The following GRM4 variants were observed in gnomAD, a reference collection of about 807,000 sequenced individuals.
GRM4 encodes the protein glutamate metabotropic receptor 4, also known as metabotropic glutamate receptor 4.
A neutral mutation model predicts 81.7 loss-of-function variants in GRM4; 28 were observed. That is an observed-to-expected ratio of 0.34 (90% CI 0.25 to 0.47). The LOEUF (loss-of-function observed/expected upper bound fraction) is 0.47. Ranked by LOEUF, GRM4 falls within the 20% of genes least tolerant of loss-of-function variation. The pLI, the probability that GRM4 is intolerant of heterozygous loss-of-function variation, is 1.00. For synonymous variants in GRM4, 488 were observed against 528.8 expected (o/e 0.92, Z 1.06); for missense variants, 948 against 1,290.0 (o/e 0.73, Z 4.06).
chr6:34,041,522 G>A (rs1372919028), intron 6 of GRM4, among the ~76,000 whole-genome samples: 2 of 152,102 alleles, frequency 1.3e-5, no homozygotes, highest in African/African-American at 2.4e-5. Flanking sequence ...CCTCCCCTCC[G>A]TGTCCACTGA....
intron 3 of GRM4, among the ~76,000 whole-genome samples, chr6:34,076,886 G>C (rs754474151): frequency 2.0e-5 from 3 of 152,118 alleles, no homozygotes; most frequent in African/African-American, 4.8e-5. Flanking sequence ...GGGGACATGG[G>C]GGGTGGAAGA....
intron 1 of GRM4, among the ~76,000 whole-genome samples, chr6:34,154,619 ACACACACACT>A (rs1156997738): frequency 5.0e-5 from 6 of 119,572 alleles, no homozygotes; most frequent in Non-Finnish European, 1.2e-4. Context: ...ACACACACAC[ACACACACACT>A]CTTAGACTTC....
At chr6:34,154,484 A>G (rs1171137133) in intron 1 of GRM4, among the ~76,000 whole-genome samples, 1 of 151,664 alleles carries the variant, frequency 6.6e-6, no homozygotes, top group Non-Finnish European at 1.5e-5. Context: ...TTCCCACCCC[A>G]TTTCTTTGGT....
Position 34,022,567 on chromosome 6 carries a change from G to T in GRM4, c.*254C>A, listed in dbSNP as rs1763930632. The T allele has an allele frequency of 1.8e-6, 1 of 550,548 alleles. No homozygotes were observed. Among genetic ancestry groups the T allele is most frequent in the African/African-American group, 1.9e-5 (1 of 52,976 alleles). The allele number at this position is 550,548 out of a possible 1,614,324, so 34.1% of individuals were successfully genotyped here. A position where few individuals can be genotyped will look rare whatever the true frequency, so the allele number is the denominator to read the frequency against. On this transcript the variant is annotated 3_prime_UTR_variant, in exon 11 of 11. Transcript: ENST00000538487. This position sits in a 1 kb window ranked among gnomAD's most constrained non-coding sequence, Gnocchi z 5.6. ...CTGAGCCCCTGTGGTTTGGGGCCGG[G>T]AGGGGCAATGGTCCAAGACGCAGGT...
rs1767207381 is a variant in GRM4, at chr6:34,074,486, G to C, written c.737-12458C>G. On this transcript the variant is annotated intron_variant, in intron 3 of 10. Transcript: ENST00000538487. This position sits in a 1 kb window ranked among gnomAD's most constrained non-coding sequence, Gnocchi z 4.9. ...CCCTTCCGCCCCCTACCAGGAGGCT[G>C]CTGGGCAGCGCAGGCAGTGTGGCTC... 7.2e-6 allele frequency among the ~76,000 whole-genome samples: 1 copy of C among 139,418 alleles called. No individual in the cohort carries two copies. The highest frequency in any genetic ancestry group is 2.1e-4 in the East Asian group (1 of 4,876). 91.5% of individuals were successfully genotyped at this position (139,418 alleles called of 152,430 possible).
rs151094606 is a variant in GRM4, at chr6:34,040,660, C to A, written c.1257G>T (p.Ala419=). The part of the protein sequence containing the change: ...VIDAVYAMGH[A]LHAMHRDLCP... The stretch of plus-strand genomic sequence containing the variant: ...ACAGGTCACGGTGCATGGCGTGCAG[C>A]GCGTGGCCCATGGCGTACACGGCAT... The change falls in exon 7 of 11, where the codon GCG becomes GCT. Residue 419 remains alanine, a synonymous_variant. Transcript: ENST00000538487. The A allele has an allele frequency of 1.2e-6, 2 of 1,614,020 alleles. 1 individual carries two copies. The highest frequency in any genetic ancestry group is 2.2e-5 in the South Asian group (2 of 91,082).
chr6:34,112,247 C>G (rs747373), intron 2 of GRM4, among the ~76,000 whole-genome samples: 9,627 of 152,260 alleles, frequency 0.063, 522 homozygotes, highest in African/African-American at 0.15. Flanking sequence ...AATTAAATAG[C>G]CCCTTTCTTT....
intron 3 of GRM4, among the ~76,000 whole-genome samples, chr6:34,087,698 AACCCCCCCCC>A (rs1767974929): frequency 1.0e-5 from 1 of 96,700 alleles, no homozygotes; most frequent in Admixed American, 9.8e-5. Flanking sequence ...ACACACACAC[AACCCCCCCCC>A]CACACACACA....
Position 34,103,510 on chromosome 6 carries a change from G to A in GRM4, c.520-11411C>T. 4.8e-6 allele frequency: 6 copies of A among 1,247,654 alleles called. No individual in the cohort carries two copies. In the South Asian group the frequency reaches 6.4e-5, roughly 13 times the overall value. 77.3% of individuals were successfully genotyped at this position (1,247,654 alleles called of 1,614,324 possible). A position where few individuals can be genotyped will look rare whatever the true frequency, so the allele number is the denominator to read the frequency against. ...AGGCGGGGGCGGCGGGCGAGGGAGA[G>A]CAAACGCGATCCTCAAATCAGCACT... On this transcript the variant is annotated intron_variant, in intron 2 of 10. Transcript: ENST00000538487.
intron 9 of GRM4, among the ~76,000 whole-genome samples, chr6:34,029,458 C>A: frequency 6.6e-6 from 1 of 152,190 alleles, no homozygotes; most frequent in East Asian, 1.9e-4. Context: ...CATGTAGGGA[C>A]CAGGTCTTCC....
chr6:34,102,943 TCA>T (rs1232544008), intron 2 of GRM4, among the ~76,000 whole-genome samples: 4 of 152,220 alleles, frequency 2.6e-5, no homozygotes, highest in Non-Finnish European at 5.9e-5. Context: ...GCCAGTGGCG[TCA>T]CTCTGCAGTA....
intron 1 of GRM4, among the ~76,000 whole-genome samples, chr6:34,145,290 C>T (rs1029256675): frequency 1.1e-4 from 17 of 151,964 alleles, no homozygotes; most frequent in African/African-American, 3.4e-4. Flanking sequence ...TGGCGGCCGC[C>T]CGGCCGGAGC....
At chr6:34,153,378 C>T (rs938445308) in intron 1 of GRM4, among the ~76,000 whole-genome samples, 1 of 152,234 alleles carries the variant, frequency 6.6e-6, no homozygotes, top group African/African-American at 2.4e-5. Context: ...GCCTCCATCC[C>T]CCACACTCCG....
chr6:34,066,974 G>A (rs1766498506), intron 3 of GRM4, among the ~76,000 whole-genome samples: 1 of 152,244 alleles, frequency 6.6e-6, no homozygotes, highest in African/African-American at 2.4e-5. Flanking sequence ...TAGGGAAGCT[G>A]CCTGCCTTCC....
intron 1 of GRM4, among the ~76,000 whole-genome samples, chr6:34,151,428 G>A (rs1353926763): frequency 2.0e-5 from 3 of 152,106 alleles, no homozygotes; most frequent in Non-Finnish European, 4.4e-5. Context: ...ACATGTCCGG[G>A]GGCTGTCAGC....
chr6:34,029,693 G>A (rs1447158842), intron 9 of GRM4, among the ~76,000 whole-genome samples: 1 of 152,174 alleles, frequency 6.6e-6, no homozygotes, highest in Non-Finnish European at 1.5e-5. Flanking sequence ...AACCATGAGG[G>A]TACCCCAAGC....
upstream of GRM4, among the ~76,000 whole-genome samples, chr6:34,147,435 T>C (rs901318561): frequency 6.6e-6 from 1 of 152,240 alleles, no homozygotes; most frequent in Non-Finnish European, 1.5e-5. Context: ...GAACTCAAGT[T>C]ATTCCTGGAG....
At chr6:34,103,477 G>T (rs920544535) in intron 2 of GRM4, 74 of 885,612 alleles carry the variant, frequency 8.4e-5, no homozygotes, top group Non-Finnish European at 1.2e-4. Flanking sequence ...AAGAGCGCCC[G>T]AGAGAGCAGG....
chr6:34,092,052 G>C lies in GRM4; in HGVS notation c.567C>G (p.Asn189Lys), dbSNP rs961528960. The change falls in exon 3 of 11, where the codon AAC (asparagine) becomes AAG (lysine). Residue 189 changes from asparagine to lysine, a missense_variant. Transcript: ENST00000538487. This position sits in a 1 kb window ranked among gnomAD's most constrained non-coding sequence, Gnocchi z 6.8. ...CGCGGGAGAAGAAGTCGTAGCGGCT[G>C]TTGTCACTCAGGTCTGGCGCTGTGG... ...YASTAPDLSD[N>K]SRYDFFSRVV... is the part of the protein sequence containing the mutation. The C allele has an allele frequency of 6.2e-7, 1 of 1,613,844 alleles. No individual in the cohort carries two copies. Among genetic ancestry groups the C allele is most frequent in the Admixed American group, 1.7e-5 (1 of 60,012 alleles).
Sources: gnomAD v4.1 joint callset for allele counts (sites outside exome capture counted in the v4.1 genomes callset) on GRCh38, gnomAD v4.1.1 for gene constraint, Gnocchi (gnomAD v3.1) non-coding constraint, MANE v1.5 for transcripts, NCBI Gene and HGNC (gene_info 2026-07-23, HGNC 2026-07-21) for gene names.